The following RNF19A variants were observed in gnomAD, a reference collection of about 807,000 sequenced individuals.
The protein encoded by RNF19A is E3 ubiquitin-protein ligase RNF19A.
A neutral mutation model predicts 75.7 loss-of-function variants in RNF19A; 32 were observed. The ratio of observed to expected loss-of-function variants is 0.42; its 90% CI spans 0.32 to 0.57. The LOEUF (loss-of-function observed/expected upper bound fraction) is 0.57, where lower values mean the gene tolerates loss of function less well. Ranked by LOEUF, RNF19A falls within the 20% of genes least tolerant of loss-of-function variation. The pLI is 0.10. For missense variants in RNF19A, 782 were observed against 1,036.3 expected (o/e 0.75, Z 3.37); for synonymous variants, 335 against 345.2 (o/e 0.97, Z 0.33).
In RNF19A at chr8:100,332,113, G is replaced by A. The variant is rs941228236; in HGVS notation, c.-243+3995C>T. ...TTACACATATTGTGAATTACCTGTAGGATAAATTCCTAAAAGTGGAATTGC... is the reference window on the plus strand; with the variant it reads ...TTACACATATTGTGAATTACCTGTAAGATAAATTCCTAAAAGTGGAATTGC... On this transcript the variant is annotated intron_variant, in intron 1 of 3. Coordinates refer to the RNF19A transcript ENST00000519527. This position sits in a 1 kb window ranked among gnomAD's most constrained non-coding sequence, Gnocchi z 4.8. Among the ~76,000 whole-genome samples the A allele has an allele frequency of 2.0e-5, 3 of 152,152 alleles. No homozygotes were observed. Among genetic ancestry groups the A allele is most frequent in the African/African-American group, 7.2e-5 (3 of 41,420 alleles).
At chr8:100,280,244 G>A (rs1054041916) in intron 2 of RNF19A, among the ~76,000 whole-genome samples, 6 of 152,082 alleles carry the variant, frequency 3.9e-5, no homozygotes, top group Non-Finnish European at 5.9e-5. Flanking sequence ...ATACTATGAC[G>A]GAGATACCTG....
chr8:100,313,670 A>T (rs1002118165), upstream of RNF19A, among the ~76,000 whole-genome samples: 11 of 152,332 alleles, frequency 7.2e-5, no homozygotes, highest in African/African-American at 2.6e-4. Flanking sequence ...TTTGAAAAGG[A>T]TCACTCAGGC....
chr8:100,265,672 T>TACATGG (rs1819939348), intron 5 of RNF19A, among the ~76,000 whole-genome samples: 1 of 152,200 alleles, frequency 6.6e-6, no homozygotes, highest in African/African-American at 2.4e-5. Flanking sequence ...AAATAATCTA[T>TACATGG]TATTACATGG....
chr8:100,303,591 T>C (rs940004814), intron 1 of RNF19A, among the ~76,000 whole-genome samples: 1 of 152,058 alleles, frequency 6.6e-6, no homozygotes. Context: ...GTATGCTAAA[T>C]TATGCAAAAA....
At chr8:100,272,016 T>G (rs1309843850) in intron 3 of RNF19A, among the ~76,000 whole-genome samples, 1 of 152,148 alleles carries the variant, frequency 6.6e-6, no homozygotes, top group South Asian at 2.1e-4. Context: ...CATTGTCATA[T>G]TAAGAAAAAA....
chr8:100,280,624 G>A (rs1820738498), intron 2 of RNF19A, among the ~76,000 whole-genome samples: 1 of 152,182 alleles, frequency 6.6e-6, no homozygotes, highest in South Asian at 2.1e-4. Context: ...TTTCATAAAT[G>A]TATAATCTGA....
At chr8:100,304,418 C>A (rs1455244136) in intron 1 of RNF19A, among the ~76,000 whole-genome samples, 1 of 152,060 alleles carries the variant, frequency 6.6e-6, no homozygotes, top group African/African-American at 2.4e-5. Context: ...CATCATATAC[C>A]CTAAGATAAC....
chr8:100,326,464 C>T (rs114822707), intron 1 of RNF19A, among the ~76,000 whole-genome samples: 1 of 152,220 alleles, frequency 6.6e-6, no homozygotes, highest in African/African-American at 2.4e-5. Context: ...GTATACTGTG[C>T]TGGGCAGAGG....
chr8:100,334,452 C>A (rs1822649309), intron 1 of RNF19A, among the ~76,000 whole-genome samples: 1 of 152,224 alleles, frequency 6.6e-6, no homozygotes, highest in South Asian at 2.1e-4. Flanking sequence ...TACCTGCTAG[C>A]CTCTCTTCTG....
At position 100,331,643 on chromosome 8, in the gene RNF19A, A is replaced by G. The variant is rs1822611945; in HGVS notation, c.-243+4465T>C. Among the ~76,000 whole-genome samples the G allele has an allele frequency of 6.6e-6, 1 of 152,144 alleles. No homozygotes were observed. The highest frequency in any genetic ancestry group is 2.1e-4 in the South Asian group (1 of 4,826). On this transcript the variant is annotated intron_variant, in intron 1 of 3. Coordinates refer to the RNF19A transcript ENST00000519527. This position sits in a 1 kb window ranked among gnomAD's most constrained non-coding sequence, Gnocchi z 5.2. ...CAGAGAGAGACAAACAAACAAAACA[A>G]AACAAAAACCAGATATACGGCGCAA...
chr8:100,298,672 T>C (rs1478109477), intron 1 of RNF19A, among the ~76,000 whole-genome samples: 2 of 152,222 alleles, frequency 1.3e-5, no homozygotes, highest in Non-Finnish European at 2.9e-5. Flanking sequence ...CTGCCACATC[T>C]ACCTGTTTAA....
intron 7 of RNF19A, 131 bp downstream of exon 7, chr8:100,263,903 A>T: frequency 1.5e-6 from 1 of 675,190 alleles, no homozygotes; most frequent in Non-Finnish European, 2.4e-6. Context: ...TCACTTATGT[A>T]CTTCTGAATG....
At chr8:100,262,929 T>C (rs573279806) in intron 7 of RNF19A, among the ~76,000 whole-genome samples, 1 of 152,222 alleles carries the variant, frequency 6.6e-6, no homozygotes, top group South Asian at 2.1e-4. Flanking sequence ...TGAAGGTTTT[T>C]GGCCCAAGCA....
chr8:100,296,122 T>C (rs1821549573), intron 1 of RNF19A, among the ~76,000 whole-genome samples: 1 of 152,236 alleles, frequency 6.6e-6, no homozygotes, highest in Non-Finnish European at 1.5e-5. Context: ...TTTTTCTTTT[T>C]TGAGACGGAG....
At chr8:100,300,163 A>G (rs1821758681) in intron 1 of RNF19A, among the ~76,000 whole-genome samples, 1 of 152,220 alleles carries the variant, frequency 6.6e-6, no homozygotes, top group African/African-American at 2.4e-5. Flanking sequence ...GTAGTATTCA[A>G]ATTAGCTTCT....
chr8:100,293,911 A>G (rs1232664728), intron 1 of RNF19A, among the ~76,000 whole-genome samples: 3 of 152,180 alleles, frequency 2.0e-5, no homozygotes, highest in African/African-American at 7.2e-5. Flanking sequence ...TTTTCATTTT[A>G]GATATTGTAC....
At position 100,271,495 on chromosome 8, in the gene RNF19A, A is replaced by C. The variant is rs539832869; in HGVS notation, c.884-1482T>G. ...TTCTCATTCCAGAGTATGCTCAAGTAGTAGGTATCTCAACAAGACAGGGGA... is the reference window on the plus strand; with the variant it reads ...TTCTCATTCCAGAGTATGCTCAAGTCGTAGGTATCTCAACAAGACAGGGGA... On this transcript the variant is annotated intron_variant, in intron 3 of 9. Coordinates refer to ENST00000341084, the MANE Select transcript of RNF19A (RefSeq NM_183419.4). 1.4e-4 allele frequency among the ~76,000 whole-genome samples: 22 copies of C among 152,338 alleles called. No individual in the cohort carries two copies. In the South Asian group the frequency reaches 4.6e-3, roughly 32 times the overall value.
At chr8:100,293,835 T>C (rs1247725152) in intron 1 of RNF19A, among the ~76,000 whole-genome samples, 3 of 152,244 alleles carry the variant, frequency 2.0e-5, no homozygotes, top group Admixed American at 6.5e-5. Context: ...TCTATTGATT[T>C]ATCTTCAATT....
At chr8:100,274,052 T>C (rs1820385729) in intron 3 of RNF19A, among the ~76,000 whole-genome samples, 1 of 152,208 alleles carries the variant, frequency 6.6e-6, no homozygotes, top group Non-Finnish European at 1.5e-5. Flanking sequence ...CCCAGAGTGC[T>C]GGGATTACAG....
Sources: allele counts gnomAD v4.1 joint callset (sites outside exome capture counted in the v4.1 genomes callset), GRCh38; gene constraint gnomAD v4.1.1; non-coding constraint Gnocchi (gnomAD v3.1); transcripts MANE v1.5; gene names NCBI Gene and HGNC (gene_info 2026-07-23, HGNC 2026-07-21).